Variants in GLIS3 observed in about 807,000 individuals in gnomAD.
GLIS3 encodes zinc finger protein GLIS3.
A neutral mutation model predicts 78.6 loss-of-function variants in GLIS3; 53 were observed. The observed-to-expected ratio is 0.67, with a 90% confidence interval of 0.54 to 0.85. The LOEUF is 0.85. GLIS3 is among the 40% of genes least tolerant of loss of function. GLIS3 has a pLI of 0.00. For synonymous variants in GLIS3, 684 were observed against 509.9 expected, an observed-to-expected ratio of 1.34 and a Z score of -4.60; for missense variants, 1,703 against 1,231.1, an observed-to-expected ratio of 1.38 and a Z score of -5.74.
intron 4 of GLIS3, among the ~76,000 whole-genome samples, chr9:3,993,895 G>T (rs114846207): frequency 6.6e-6 from 1 of 152,070 alleles, no homozygotes; most frequent in African/African-American, 2.4e-5. Flanking sequence ...TTTTGACAAA[G>T]AAAATTTTGC....
chr9:4,486,634 C>T, the GLIS3 span, among the ~76,000 whole-genome samples: 2 of 152,164 alleles, frequency 1.3e-5, no homozygotes, highest in Non-Finnish European at 2.9e-5. Context: ...ATTAATAAAT[C>T]TGCCTGTCAG....
chr9:3,898,258 G>T, intron 7 of GLIS3: 1 of 260,566 alleles, frequency 3.8e-6, no homozygotes, highest in Non-Finnish European at 7.5e-6. Flanking sequence ...ATTCTTATAA[G>T]TTGGTTTGCT....
At chr9:4,098,330 CA>C (rs1830118319) in intron 4 of GLIS3, among the ~76,000 whole-genome samples, 1 of 152,082 alleles carries the variant, frequency 6.6e-6, no homozygotes, top group Admixed American at 6.5e-5. Flanking sequence ...CTCTGTGACA[CA>C]AGAATTACTA....
At chr9:4,163,046 A>G (rs1020224989) in intron 2 of GLIS3, among the ~76,000 whole-genome samples, 12 of 152,156 alleles carry the variant, frequency 7.9e-5, no homozygotes, top group African/African-American at 2.7e-4. Context: ...AAGTAGCAAC[A>G]ATGCCTGGGC....
At chr9:4,088,289 T>G (rs1434771285) in intron 4 of GLIS3, among the ~76,000 whole-genome samples, 1 of 152,260 alleles carries the variant, frequency 6.6e-6, no homozygotes, top group Non-Finnish European at 1.5e-5. Flanking sequence ...TTATTTACCT[T>G]TGCAGTCCTG....
intron 2 of GLIS3, among the ~76,000 whole-genome samples, chr9:4,270,978 A>T (rs1290159663): frequency 6.6e-6 from 1 of 151,924 alleles, no homozygotes; most frequent in African/African-American, 2.4e-5. Context: ...AACTGCACAG[A>T]TTCACTTAAA....
At chr9:4,227,806 C>T (rs896880017) in intron 2 of GLIS3, among the ~76,000 whole-genome samples, 1 of 152,174 alleles carries the variant, frequency 6.6e-6, no homozygotes, top group Non-Finnish European at 1.5e-5. Flanking sequence ...AGAAGCAATT[C>T]TGATTCAATT....
intron 2 of GLIS3, among the ~76,000 whole-genome samples, chr9:4,232,382 T>TAAAAAA (rs56725850): frequency 9.8e-6 from 1 of 101,668 alleles, no homozygotes; most frequent in Admixed American, 1.1e-4. Flanking sequence ...CCTTGTCTCT[T>TAAAAAA]AAAAAAAAAA....
chr9:4,376,483 T>C, the GLIS3 span, among the ~76,000 whole-genome samples: 1 of 137,254 alleles, frequency 7.3e-6, no homozygotes. Flanking sequence ...CATATTTCTA[T>C]TTATGTTTAA....
intron 2 of GLIS3, among the ~76,000 whole-genome samples, chr9:4,131,516 G>A (rs953063633): frequency 7.2e-5 from 11 of 152,104 alleles, no homozygotes; most frequent in Non-Finnish European, 1.3e-4. Flanking sequence ...TCTCGTGTTA[G>A]AGTTCCCATG....
At chr9:4,367,633 CA>C in the GLIS3 span, among the ~76,000 whole-genome samples, 796 of 61,926 alleles carry the variant, frequency 0.013, 5 homozygotes, top group African/African-American at 0.036. Flanking sequence ...GACTCCATCT[CA>C]AAAAAAAAAA....
At chr9:4,465,475 G>A in the GLIS3 span, among the ~76,000 whole-genome samples, 15 of 152,256 alleles carry the variant, frequency 9.9e-5, no homozygotes, top group East Asian at 2.9e-3. Context: ...CTTGAACCCG[G>A]AAGACAGAGG....
chr9:4,245,606 C>A (rs913421231), intron 2 of GLIS3, among the ~76,000 whole-genome samples: 7 of 152,162 alleles, frequency 4.6e-5, no homozygotes, highest in African/African-American at 7.2e-5. Context: ...ACAATGGAAA[C>A]AAACAAGCAA....
At position 4,286,251 on chromosome 9, in the gene GLIS3, G is replaced by A. The variant is rs758204904; in HGVS notation, c.175C>T (p.His59Tyr). ...PTMASLANNL[H>Y]LKMPSGGGMA... is the part of the protein sequence containing the mutation. ...CCTCCTCCTGAGGGCATCTTGAGAT[G>A]GAGGTTGTTAGCAAGGCTTGCCATA... The change falls in exon 2 of 11, where the codon CAT becomes TAT. Residue 59 changes from histidine to tyrosine, a missense_variant. Physicochemically the swap from His to Tyr is moderately conservative, Grantham distance 83. Transcript: ENST00000381971. 3.1e-6 allele frequency: 5 copies of A among 1,614,108 alleles called. No individual in the cohort carries two copies. The highest frequency in any genetic ancestry group is 2.2e-5 in the East Asian group (1 of 44,886).
At chr9:4,272,230 C>A (rs1015579062) in intron 2 of GLIS3, among the ~76,000 whole-genome samples, 1 of 152,178 alleles carries the variant, frequency 6.6e-6, no homozygotes, top group Non-Finnish European at 1.5e-5. Flanking sequence ...ACACCTGCAA[C>A]AATTTAGTTG....
intron 4 of GLIS3, among the ~76,000 whole-genome samples, chr9:4,077,504 T>C (rs10974321): frequency 0.11 from 16,335 of 152,246 alleles, 1,801 homozygotes; most frequent in African/African-American, 0.25. Context: ...GATTTTGTTT[T>C]TCTGTCTGCT....
chr9:4,217,303 T>G (rs1820942108), intron 2 of GLIS3, among the ~76,000 whole-genome samples: 1 of 152,236 alleles, frequency 6.6e-6, no homozygotes, highest in South Asian at 2.1e-4. Flanking sequence ...GTAAACCATT[T>G]GCCCTAAAAG....
chr9:4,207,197 C>A (rs940269331), intron 2 of GLIS3, among the ~76,000 whole-genome samples: 108 of 152,288 alleles, frequency 7.1e-4, no homozygotes, highest in African/African-American at 2.5e-3. Context: ...CCTCCCCTCC[C>A]GACACAGAGC....
intron 2 of GLIS3, among the ~76,000 whole-genome samples, chr9:4,262,387 G>A (rs566563133): frequency 2.6e-5 from 4 of 152,158 alleles, no homozygotes; most frequent in South Asian, 2.1e-4. Context: ...AAGGATGCAG[G>A]GCAGCAAACA....
Sources: gnomAD v4.1 joint callset for allele counts (sites outside exome capture counted in the v4.1 genomes callset) on GRCh38, gnomAD v4.1.1 for gene constraint, MANE v1.5 for transcripts, NCBI Gene and HGNC (gene_info 2026-07-23, HGNC 2026-07-21) for gene names.